CPD: variants seen among roughly 807,000 people sequenced by gnomAD.
The protein encoded by CPD is carboxypeptidase D.
In CPD, 69 loss-of-function variants were observed where a neutral mutation model predicts 138.3. The ratio of observed to expected loss-of-function variants is 0.50; its 90% CI spans 0.41 to 0.61. The LOEUF is 0.61. Ranked by LOEUF, CPD falls within the 20% of genes least tolerant of loss-of-function variation. The pLI is 0.00. For synonymous variants in CPD, 651 were observed against 642.1 expected, an observed-to-expected ratio of 1.01 and a Z score of -0.21; for missense variants, 1,432 against 1,733.3, an observed-to-expected ratio of 0.83 and a Z score of 3.09.
chr17:30,420,704 C>T (rs1353674036), intron 2 of CPD, 137 bp from the exon 3 acceptor site: 3 of 686,040 alleles, frequency 4.4e-6, no homozygotes, highest in East Asian at 2.8e-5. Flanking sequence ...GTTCAGATGC[C>T]TTCTCCAATT....
At chr17:30,401,318 C>CTCCTCTTCT (rs1443901675) in intron 2 of CPD, among the ~76,000 whole-genome samples, 2 of 150,256 alleles carry the variant, frequency 1.3e-5, no homozygotes, top group Non-Finnish European at 3.0e-5. Context: ...CTTCCTCTTC[C>CTCCTCTTCT]TCCTCTTCTT....
At chr17:30,452,021 TA>T (rs1332584231) in intron 14 of CPD, among the ~76,000 whole-genome samples, 175 bp downstream of exon 14, 1 of 152,242 alleles carries the variant, frequency 6.6e-6, no homozygotes, top group Non-Finnish European at 1.5e-5. Context: ...TCTCCATTAT[TA>T]TTTGCAAAAA....
chr17:30,462,526 A>G (rs1272304349), intron 20 of CPD, 57 bp downstream of exon 20: 10 of 1,225,846 alleles, frequency 8.2e-6, no homozygotes, highest in African/African-American at 5.9e-5. Context: ...ACATTTCAAT[A>G]TGAGAGTGGG....
At chr17:30,381,723 A>C (rs1442962030) in intron 1 of CPD, among the ~76,000 whole-genome samples, 1 of 152,240 alleles carries the variant, frequency 6.6e-6, no homozygotes, top group Non-Finnish European at 1.5e-5. Context: ...GGATATTTTT[A>C]AATACTCAAA....
At chr17:30,439,132 A>G (rs1912781303) in intron 9 of CPD, 55 bp downstream of exon 9, 3 of 926,924 alleles carry the variant, frequency 3.2e-6, no homozygotes, top group South Asian at 3.1e-5. Flanking sequence ...CTGCTTTCCT[A>G]GATGGTGCTT....
chr17:30,430,454 C>CAT (rs1404606471), intron 7 of CPD, among the ~76,000 whole-genome samples: 1 of 152,146 alleles, frequency 6.6e-6, no homozygotes, highest in Non-Finnish European at 1.5e-5. Flanking sequence ...CATGTTGTGG[C>CAT]ATATATCAGT....
chr17:30,425,048 C>T (rs953469515), intron 6 of CPD, among the ~76,000 whole-genome samples: 1 of 152,100 alleles, frequency 6.6e-6, no homozygotes, highest in African/African-American at 2.4e-5. Context: ...TGCCACAAGT[C>T]CCTTCTACAT....
intron 17 of CPD, among the ~76,000 whole-genome samples, chr17:30,457,180 CTA>C (rs1029138518): frequency 6.6e-6 from 1 of 152,196 alleles, no homozygotes; most frequent in Non-Finnish European, 1.5e-5. Context: ...CTTTCTGCCT[CTA>C]TGAATTTGCC....
chr17:30,444,477 T>C (rs758722), intron 11 of CPD, among the ~76,000 whole-genome samples: 93,760 of 151,074 alleles, frequency 0.62, 30,531 homozygotes, highest in East Asian at 0.82. Context: ...TAAATACAGG[T>C]AAGCCCAAAG....
intron 2 of CPD, among the ~76,000 whole-genome samples, chr17:30,414,293 A>G (rs2143393168): frequency 6.6e-6 from 1 of 152,298 alleles, no homozygotes; most frequent in East Asian, 1.9e-4. Flanking sequence ...GCAATTGCAG[A>G]GGCTGGGCGC....
chr17:30,392,229 CTAACTCCT>C (rs1278025592), intron 2 of CPD, among the ~76,000 whole-genome samples: 1 of 152,086 alleles, frequency 6.6e-6, no homozygotes, highest in East Asian at 1.9e-4. Flanking sequence ...AGGCTGCTCT[CTAACTCCT>C]GACCTCAGGT....
chr17:30,455,597 C>A, intron 15 of CPD, 127 bp downstream of exon 15: 1 of 1,029,430 alleles, frequency 9.7e-7, no homozygotes. Context: ...AAATTACCAA[C>A]CAAAGAAGAT....
At chr17:30,448,085 C>G (rs934100088) in intron 12 of CPD, among the ~76,000 whole-genome samples, 3 of 152,182 alleles carry the variant, frequency 2.0e-5, no homozygotes, top group African/African-American at 7.2e-5. Flanking sequence ...TGATACTTAA[C>G]TTTCTTTGGC....
At chr17:30,394,817 G>C (rs1235062692) in intron 2 of CPD, among the ~76,000 whole-genome samples, 1 of 152,132 alleles carries the variant, frequency 6.6e-6, no homozygotes, top group African/African-American at 2.4e-5. Flanking sequence ...TGAGGATTTT[G>C]AGCTTGGATT....
Position 30,426,818 on chromosome 17 carries a change from CTAAA to C in CPD, c.1850-571_1850-568del, listed in dbSNP as rs200569368. ...CCTTGCTTTAAGATTAAACTGTAAG[CTAAA>C]TTTCTCCCAAAGTTAGCTTGGCCGA... On this transcript the variant is annotated intron_variant, in intron 6 of 20. Transcript: ENST00000225719. Among the ~76,000 whole-genome samples the C allele has an allele frequency of 8.6e-3, 1,307 of 152,244 alleles. 17 individuals are homozygous for C. Among genetic ancestry groups the C allele is most frequent in the African/African-American group, 0.03 (1,228 of 41,516 alleles).
chr17:30,435,314 C>G (rs1021406626), intron 8 of CPD, among the ~76,000 whole-genome samples: 3 of 151,296 alleles, frequency 2.0e-5, no homozygotes, highest in African/African-American at 7.3e-5. Flanking sequence ...ACATATAGAT[C>G]AATGAAATAG....
chr17:30,447,460 A>C (rs926932073), intron 12 of CPD: 2 of 152,176 alleles, frequency 1.3e-5, no homozygotes, highest in African/African-American at 4.8e-5. Flanking sequence ...ATTCCAGGAA[A>C]TGTAAAATTG....
At chr17:30,423,404 A>G in intron 5 of CPD, 102 bp from the exon 6 acceptor site, 1 of 850,388 alleles carries the variant, frequency 1.2e-6, no homozygotes, top group Non-Finnish European at 1.7e-6. Context: ...TACATGTTTA[A>G]AAAATTTTTT....
At chr17:30,448,650 G>T (rs936098486) in intron 12 of CPD, among the ~76,000 whole-genome samples, 1 of 152,100 alleles carries the variant, frequency 6.6e-6, no homozygotes, top group African/African-American at 2.4e-5. Context: ...AAAGAAAGCA[G>T]ACCTTAAGCT....
Sources: gnomAD v4.1 joint callset for allele counts (sites outside exome capture counted in the v4.1 genomes callset) on GRCh38, gnomAD v4.1.1 for gene constraint, MANE v1.5 for transcripts, NCBI Gene and HGNC (gene_info 2026-07-23, HGNC 2026-07-21) for gene names.